EXTL3: variants seen among roughly 807,000 people sequenced by gnomAD.
EXTL3 encodes exostosin like glycosyltransferase 3, also known as exostosin-like 3.
A neutral mutation model predicts 69.3 loss-of-function variants in EXTL3; 27 were observed. The observed-to-expected ratio is 0.39, with a 90% confidence interval of 0.29 to 0.54. The LOEUF (loss-of-function observed/expected upper bound fraction) is 0.54. Among genes scored for constraint, EXTL3 ranks in the 20% least tolerant of loss-of-function variants. The probability of loss-of-function intolerance (pLI) is 0.69; values close to 1 mark genes in which losing one functional copy is unlikely to be tolerated. For synonymous variants in EXTL3, 511 were observed against 499.4 expected, an observed-to-expected ratio of 1.02 and a Z score of -0.31; for missense variants, 1,003 against 1,231.8, an observed-to-expected ratio of 0.81 and a Z score of 2.78.
intron 1 of EXTL3, chr8:28,686,010 T>C (rs1585250816): frequency 1.3e-5 from 2 of 151,870 alleles, no homozygotes; most frequent in African/African-American, 4.8e-5. Flanking sequence ...GGATTACAGG[T>C]GACTGCCACC....
chr8:28,687,034 G>A (rs1807588923), intron 1 of EXTL3, among the ~76,000 whole-genome samples: 1 of 152,200 alleles, frequency 6.6e-6, no homozygotes, highest in Non-Finnish European at 1.5e-5. Context: ...GAGACTTTGA[G>A]GTGGGACTGT....
chr8:28,732,687 A>T (rs1801564064), intron 4 of EXTL3, among the ~76,000 whole-genome samples: 1 of 152,132 alleles, frequency 6.6e-6, no homozygotes, highest in Non-Finnish European at 1.5e-5. Flanking sequence ...TTCACGGAAC[A>T]TGATGTTTTC....
chr8:28,665,484 T>A (rs1029835684), intron 1 of EXTL3, among the ~76,000 whole-genome samples: 42 of 147,854 alleles, frequency 2.8e-4, no homozygotes, highest in African/African-American at 1.0e-3. Flanking sequence ...TGGTCATGGC[T>A]CACTACAGCC....
chr8:28,614,083 G>C (rs1476626323), intron 2 of EXTL3, among the ~76,000 whole-genome samples: 1 of 151,744 alleles, frequency 6.6e-6, no homozygotes, highest in African/African-American at 2.4e-5. Context: ...TTCCTGCCTC[G>C]GTCTCCTGAT....
chr8:28,626,170 TA>T (rs57290264), intron 1 of EXTL3, among the ~76,000 whole-genome samples: 136,079 of 138,636 alleles, frequency 0.98, 66,782 homozygotes, highest in East Asian at 1. Flanking sequence ...AGACCCTGTC[TA>T]AAAAAAAAAA....
In EXTL3 at chr8:28,715,888, T is replaced by A. The variant is rs1023540719; in HGVS notation, c.-172T>A. On this transcript the variant is annotated 5_prime_UTR_variant, in exon 3 of 7. Coordinates refer to ENST00000220562, the MANE Select transcript of EXTL3 (RefSeq NM_001440.4). Reference sequence around the variant, plus strand: ...CTGCTGGAATAGGGTCAGAGACCATTTCAGCTGCAGCTGAGGAAAATGAAA... The same window carrying A: ...CTGCTGGAATAGGGTCAGAGACCATATCAGCTGCAGCTGAGGAAAATGAAA... The A allele has an allele frequency of 4.9e-6, 3 of 616,596 alleles. No homozygotes were observed. Among genetic ancestry groups the A allele is most frequent in the Non-Finnish European group, 8.5e-6 (3 of 351,470 alleles). The allele number at this position is 616,596 out of a possible 1,614,324, so 38.2% of individuals were successfully genotyped here.
intron 1 of EXTL3, chr8:28,710,633 GGCAAGGTCTT>G: frequency 2.9e-6 from 1 of 339,002 alleles, no homozygotes; most frequent in South Asian, 2.2e-5. Flanking sequence ...TTTTTTTTGA[GGCAAGGTCTT>G]GCTCTGTCAC....
intron 3 of EXTL3, among the ~76,000 whole-genome samples, chr8:28,718,633 A>T (rs1436954084): frequency 2.6e-5 from 4 of 152,214 alleles, no homozygotes; most frequent in African/African-American, 9.6e-5. Context: ...AGCTTAGGTT[A>T]ATGAATTTGC....
chr8:28,680,567 A>G (rs1807469298), intron 1 of EXTL3, among the ~76,000 whole-genome samples: 1 of 151,356 alleles, frequency 6.6e-6, no homozygotes, highest in South Asian at 2.1e-4. Context: ...TCACATACTT[A>G]TTTGTGTGTG....
At chr8:28,639,727 A>T (rs1470423903) in intron 1 of EXTL3, among the ~76,000 whole-genome samples, 1 of 152,230 alleles carries the variant, frequency 6.6e-6, no homozygotes, top group African/African-American at 2.4e-5. Flanking sequence ...ACAGCCTTTC[A>T]TACTGAAGTA....
chr8:28,744,900 T>C (rs1266886012), intron 6 of EXTL3, among the ~76,000 whole-genome samples: 1 of 151,996 alleles, frequency 6.6e-6, no homozygotes, highest in South Asian at 2.1e-4. Flanking sequence ...GAGGCAGAGA[T>C]TGCAGTGAGC....
intron 1 of EXTL3, among the ~76,000 whole-genome samples, chr8:28,671,336 G>A (rs531373770): frequency 3.5e-5 from 4 of 113,644 alleles, no homozygotes; most frequent in South Asian, 6.5e-4. Context: ...TTTTGAGACC[G>A]ACTCTCTCTC....
chr8:28,750,649 G>A lies in EXTL3; in HGVS notation c.2551-8G>A, dbSNP rs538436653. On this transcript the variant is annotated splice_polypyrimidine_tract_variant and splice_region_variant and intron_variant, in intron 6 of 6. Transcript: ENST00000220562. The surrounding 1 kb of genome is among the most constrained non-coding windows in gnomAD (Gnocchi z 5.2). ...GATTCCCACTCTGTCTCTCTCTCCCGTTTCCAGGTGACCTCACGGTGGACA... is the reference window on the plus strand; with the variant it reads ...GATTCCCACTCTGTCTCTCTCTCCCATTTCCAGGTGACCTCACGGTGGACA... The A allele has an allele frequency of 6.1e-5, 99 of 1,612,908 alleles. No homozygotes were observed. The highest frequency in any genetic ancestry group is 5.7e-4 in the Admixed American group (34 of 60,016).
At chr8:28,675,648 G>A (rs542488049) in intron 1 of EXTL3, among the ~76,000 whole-genome samples, 30 of 152,322 alleles carry the variant, frequency 2.0e-4, no homozygotes, top group African/African-American at 6.7e-4. Context: ...GGAACATAAA[G>A]TTGGATGGGG....
intron 1 of EXTL3, among the ~76,000 whole-genome samples, chr8:28,687,661 A>C (rs191762941): frequency 1.3e-5 from 2 of 152,328 alleles, no homozygotes; most frequent in Admixed American, 1.3e-4. Context: ...TGGCTGCTGA[A>C]GTCTTAGAAG....
rs758580194 is a variant in EXTL3, at chr8:28,717,613, T to C, written c.1554T>C (p.Thr518=). 2 of 1,614,220 alleles carry C rather than the reference T, an allele frequency of 1.2e-6. No homozygotes were observed. The highest frequency in any genetic ancestry group is 1.1e-5 in the South Asian group (1 of 91,084). The change falls in exon 3 of 7, where the codon ACT becomes ACC. Residue 518 remains threonine, a synonymous_variant. Transcript: ENST00000220562. This position sits in a 1 kb window ranked among gnomAD's most constrained non-coding sequence, Gnocchi z 8.3. ...MRRQGRFLWE[T]YFSTADSIFN... ...GGCAAGGCCGCTTTCTCTGGGAGAC[T>C]TACTTCTCCACTGCTGACAGTATTT...
intron 1 of EXTL3, among the ~76,000 whole-genome samples, chr8:28,674,280 C>T (rs929996138): frequency 6.6e-6 from 1 of 151,998 alleles, no homozygotes; most frequent in Admixed American, 6.6e-5. Context: ...GCCATGTGGC[C>T]CAGGCTGTTC....
At chr8:28,636,458 A>G (rs1296677485) in intron 1 of EXTL3, among the ~76,000 whole-genome samples, 1 of 152,200 alleles carries the variant, frequency 6.6e-6, no homozygotes, top group African/African-American at 2.4e-5. Context: ...TGGGGCTGGA[A>G]GGATCTTACC....
At chr8:28,680,041 TA>T (rs1807455802) in intron 1 of EXTL3, among the ~76,000 whole-genome samples, 2 of 151,752 alleles carry the variant, frequency 1.3e-5, no homozygotes, top group African/African-American at 2.4e-5. Context: ...AGCTAGAATT[TA>T]ATATTTGTGC....
Sources: gnomAD v4.1 joint callset for allele counts (sites outside exome capture counted in the v4.1 genomes callset) on GRCh38, gnomAD v4.1.1 for gene constraint, Gnocchi (gnomAD v3.1) non-coding constraint, MANE v1.5 for transcripts, NCBI Gene and HGNC (gene_info 2026-07-23, HGNC 2026-07-21) for gene names.